LRRIQ3: variants seen among roughly 807,000 people sequenced by gnomAD.
LRRIQ3 encodes leucine-rich repeat and IQ domain-containing protein 3.
Under a neutral mutation model 59.3 loss-of-function variants are expected in LRRIQ3, and 75 were observed. That is an observed-to-expected ratio of 1.26 (90% CI 1.05 to 1.53). LRRIQ3 has a LOEUF of 1.53. Ranked by LOEUF, LRRIQ3 falls within the 40% of genes most tolerant of loss-of-function variation. The pLI is 0.00. For missense variants in LRRIQ3, 831 were observed against 710.0 expected (o/e 1.17, Z -1.94); for synonymous variants, 250 against 231.3 (o/e 1.08, Z -0.73).
chr1:74,060,237 TTCTTCTTCTTCTTCTTCTTCC>T lies in LRRIQ3; in HGVS notation c.997+14403_997+14423del, dbSNP rs1460715090. Among the ~76,000 whole-genome samples the T allele has an allele frequency of 1.7e-3, 209 of 124,374 alleles. 2 individuals are homozygous for T. The highest frequency in any genetic ancestry group is 5.4e-3 in the African/African-American group (190 of 35,256). 81.6% of individuals were successfully genotyped at this position (124,374 alleles called of 152,430 possible). On this transcript the variant is annotated intron_variant, in intron 6 of 7. Transcript: ENST00000354431. ...CTTCTTCTTGTTCTTCTTCTTCTTC[TTCTTCTTCTTCTTCTTCTTCC>T]TCTTCCTCTTCTTTCTCTTCCTCCT... is the stretch of plus-strand genomic sequence containing the variant.
intron 4 of LRRIQ3, among the ~76,000 whole-genome samples, chr1:74,153,014 T>G (rs951269520): frequency 6.6e-6 from 1 of 152,172 alleles, no homozygotes; most frequent in African/African-American, 2.4e-5. Context: ...TTTTATTAAA[T>G]AATATAATGG....
chr1:74,132,073 T>A (rs575251072), intron 4 of LRRIQ3, among the ~76,000 whole-genome samples: 78 of 152,226 alleles, frequency 5.1e-4, no homozygotes, highest in South Asian at 2.3e-3. Context: ...AACGTTCTTA[T>A]GCACCAATAA....
At chr1:74,098,329 G>A (rs922417423) in intron 5 of LRRIQ3, among the ~76,000 whole-genome samples, 2 of 152,126 alleles carry the variant, frequency 1.3e-5, no homozygotes, top group African/African-American at 2.4e-5. Context: ...AATTGTTAAG[G>A]GATCAATTCA....
At chr1:74,060,188 T>TTC (rs1654666236) in intron 6 of LRRIQ3, among the ~76,000 whole-genome samples, 1 of 111,518 alleles carries the variant, frequency 9.0e-6, no homozygotes, top group Non-Finnish European at 2.0e-5. Context: ...TCTTCTTCTT[T>TTC]TTCTTCTTCT....
chr1:74,060,171 A>G (rs1654659993), intron 6 of LRRIQ3, among the ~76,000 whole-genome samples: 2 of 147,322 alleles, frequency 1.4e-5, no homozygotes, highest in East Asian at 2.0e-4. Context: ...CTTCGTCGTC[A>G]TCTTCTTCTT....
At chr1:74,063,121 A>AAAC (rs1012702321) in intron 6 of LRRIQ3, among the ~76,000 whole-genome samples, 2,012 of 151,106 alleles carry the variant, frequency 0.013, 37 homozygotes, top group African/African-American at 0.046. Flanking sequence ...CCCCAAAACC[A>AAAC]AACAACAACA....
At chr1:74,111,680 A>T (rs1255122049) in intron 4 of LRRIQ3, among the ~76,000 whole-genome samples, 2 of 152,058 alleles carry the variant, frequency 1.3e-5, no homozygotes, top group African/African-American at 4.8e-5. Context: ...ACATCTATTC[A>T]AGAAAATCTA....
intron 6 of LRRIQ3, among the ~76,000 whole-genome samples, chr1:74,063,014 TAAATA>T (rs1288722798): frequency 2.0e-5 from 3 of 151,186 alleles, no homozygotes; most frequent in South Asian, 2.1e-4. Context: ...TAAAAACAAT[TAAATA>T]AAATAGATAC....
intron 4 of LRRIQ3, among the ~76,000 whole-genome samples, chr1:74,145,274 C>CCAA (rs1647498455): frequency 6.6e-6 from 1 of 152,124 alleles, no homozygotes; most frequent in African/African-American, 2.4e-5. Flanking sequence ...AAAGGGTATT[C>CCAA]ATGACAGCTG....
chr1:74,036,738 T>G (rs140547468), intron 7 of LRRIQ3, among the ~76,000 whole-genome samples: 5 of 152,302 alleles, frequency 3.3e-5, no homozygotes, highest in African/African-American at 1.2e-4. Context: ...GTAAGAGAAC[T>G]CTTCAAGAGC....
chr1:74,183,800 T>A, intron 1 of LRRIQ3, 116 bp from the exon 2 acceptor site: 1 of 872,586 alleles, frequency 1.1e-6, no homozygotes, highest in Non-Finnish European at 1.6e-6. Context: ...AAAGTTAAAA[T>A]TTAAAAAAAC....
Position 74,074,742 on chromosome 1 carries a change from G to A in LRRIQ3, c.916C>T (p.His306Tyr). The A allele has an allele frequency of 2.1e-6, 3 of 1,429,286 alleles. No individual in the cohort carries two copies. The highest frequency in any genetic ancestry group is 2.8e-6 in the Non-Finnish European group (3 of 1,059,082). 88.5% of individuals were successfully genotyped at this position (1,429,286 alleles called of 1,614,324 possible). ...DLKNSSEHRKHVSSILCELKP... is the reference protein window; with the variant it reads ...DLKNSSEHRKYVSSILCELKP... ...AATTCACATAAAATAGATGACACAT[G>A]TTTTCTGTGTTCACTGGAATTTTTT... Residue 306 changes from histidine to tyrosine, a missense_variant, in exon 6 of 8, where the codon CAT (histidine) becomes TAT (tyrosine). Physicochemically the swap from His to Tyr is moderately conservative, Grantham distance 83. Coordinates refer to ENST00000354431, the MANE Select transcript of LRRIQ3 (RefSeq NM_001105659.2).
chr1:74,122,081 T>A (rs1646867096), intron 4 of LRRIQ3, among the ~76,000 whole-genome samples: 1 of 152,128 alleles, frequency 6.6e-6, no homozygotes, highest in Non-Finnish European at 1.5e-5. Flanking sequence ...TGATTTATAA[T>A]CCTTTGGGTA....
chr1:74,121,109 T>TAAATA (rs1296375605), intron 4 of LRRIQ3, among the ~76,000 whole-genome samples: 2 of 152,172 alleles, frequency 1.3e-5, no homozygotes, highest in African/African-American at 4.8e-5. Flanking sequence ...ATTATAGTCT[T>TAAATA]GTTCATTAAA....
chr1:74,194,280 T>G (rs1650953640), intron 1 of LRRIQ3, among the ~76,000 whole-genome samples: 2 of 152,128 alleles, frequency 1.3e-5, no homozygotes, highest in African/African-American at 4.8e-5. Flanking sequence ...AAAATATATT[T>G]TAAAAGTTAA....
intron 3 of LRRIQ3, among the ~76,000 whole-genome samples, chr1:74,164,459 C>T (rs897280767): frequency 1.3e-5 from 2 of 151,422 alleles, no homozygotes; most frequent in African/African-American, 2.4e-5. Context: ...AAGAAATCAA[C>T]TTTGCTGATG....
intron 4 of LRRIQ3, among the ~76,000 whole-genome samples, chr1:74,118,849 G>A (rs1347164827): frequency 6.6e-6 from 1 of 152,082 alleles, no homozygotes; most frequent in African/African-American, 2.4e-5. Context: ...TTCAGGCAGG[G>A]TTTCTATGTC....
intron 3 of LRRIQ3, among the ~76,000 whole-genome samples, chr1:74,170,026 G>T (rs1352667355): frequency 6.6e-6 from 1 of 151,876 alleles, no homozygotes; most frequent in Admixed American, 6.6e-5. Flanking sequence ...TTTTTTGTTT[G>T]TTTGTCTTTG....
chr1:74,165,060 C>T lies in LRRIQ3; in HGVS notation c.574-9194G>A, dbSNP rs563698314. ...ATCAATACCACCACAGTCTTGATTACGATAGCTACACGTGTCTAAAAATAA... is the reference window on the plus strand; with the variant it reads ...ATCAATACCACCACAGTCTTGATTATGATAGCTACACGTGTCTAAAAATAA... On this transcript the variant is annotated intron_variant, in intron 3 of 7. Coordinates refer to ENST00000354431, the MANE Select transcript of LRRIQ3 (RefSeq NM_001105659.2). Among the ~76,000 whole-genome samples the T allele has an allele frequency of 5.9e-5, 9 of 151,578 alleles. No homozygotes were observed. In the South Asian group the frequency reaches 8.3e-4, roughly 14 times the overall value.
Sources: gnomAD v4.1 joint callset for allele counts (sites outside exome capture counted in the v4.1 genomes callset) on GRCh38, gnomAD v4.1.1 for gene constraint, MANE v1.5 for transcripts, NCBI Gene and HGNC (gene_info 2026-07-23, HGNC 2026-07-21) for gene names.